STX12: variants seen among roughly 807,000 people sequenced by gnomAD.
The protein encoded by STX12 is syntaxin-12.
Under a neutral mutation model 42.2 loss-of-function variants are expected in STX12, and 17 were observed. That is an observed-to-expected ratio of 0.40 (90% CI 0.28 to 0.60). The LOEUF is 0.60. STX12 is among the 20% of genes least tolerant of loss of function. STX12 has a pLI of 0.39. For synonymous variants in STX12, 108 were observed against 116.7 expected (o/e 0.93, Z 0.48); for missense variants, 297 against 330.9 (o/e 0.90, Z 0.79).
intron 5 of STX12, among the ~76,000 whole-genome samples, chr1:27,811,001 A>G (rs1022210103): frequency 6.6e-6 from 1 of 152,030 alleles, no homozygotes; most frequent in Non-Finnish European, 1.5e-5. Context: ...ATAATAAGTA[A>G]TATGTTTTCC....
chr1:27,818,934 C>CT (rs139818363), intron 7 of STX12, among the ~76,000 whole-genome samples: 1 of 151,704 alleles, frequency 6.6e-6, no homozygotes, highest in East Asian at 1.9e-4. Context: ...GCCAGTAACT[C>CT]TTTTTTTTAA....
At position 27,792,320 on chromosome 1, in the gene STX12, A is replaced by G. The variant is rs187706549; in HGVS notation, c.189-1213A>G. Among the ~76,000 whole-genome samples, 113 of 120,398 alleles carry G rather than the reference A, an allele frequency of 9.4e-4. 16 individuals are homozygous for G. The highest frequency in any genetic ancestry group is 5.4e-3 in the African/African-American group (101 of 18,534). 79.0% of individuals were successfully genotyped at this position (120,398 alleles called of 152,430 possible). A position where few individuals can be genotyped will look rare whatever the true frequency, so the allele number is the denominator to read the frequency against. On this transcript the variant is annotated intron_variant, in intron 2 of 8. Coordinates refer to ENST00000373943, the MANE Select transcript of STX12 (RefSeq NM_177424.3). ...TATATGTATCTATATATATGTAGATACATATATATGTATCTATATATATGT... is the reference window on the plus strand; with the variant it reads ...TATATGTATCTATATATATGTAGATGCATATATATGTATCTATATATATGT...
At chr1:27,811,470 A>G (rs1317357765) in intron 5 of STX12, among the ~76,000 whole-genome samples, 1 of 152,036 alleles carries the variant, frequency 6.6e-6, no homozygotes, top group Non-Finnish European at 1.5e-5. Flanking sequence ...GTGTTATAAC[A>G]TTTCACTAGC....
At chr1:27,785,204 A>G (rs114666757) in intron 1 of STX12, among the ~76,000 whole-genome samples, 1,891 of 152,318 alleles carry the variant, frequency 0.012, 23 homozygotes, top group Middle Eastern at 0.027. Context: ...TGTCAGATCT[A>G]CGTTTACATG....
At chr1:27,796,022 A>G (rs2088783536) in intron 3 of STX12, among the ~76,000 whole-genome samples, 1 of 152,244 alleles carries the variant, frequency 6.6e-6, no homozygotes, top group South Asian at 2.1e-4. Context: ...AAATATAAAT[A>G]GAAAATCAAA....
At chr1:27,773,494 C>CCTGCGTCCCG in intron 1 of STX12, 69 bp downstream of exon 1, 3 of 1,448,202 alleles carry the variant, frequency 2.1e-6, no homozygotes, top group Non-Finnish European at 2.9e-6. Flanking sequence ...GCTGCCGGGA[C>CCTGCGTCCCG]GCAGGGCCCG....
intron 1 of STX12, among the ~76,000 whole-genome samples, chr1:27,785,124 A>G (rs1011147134): frequency 1.1e-4 from 17 of 152,234 alleles, no homozygotes; most frequent in African/African-American, 4.1e-4. Context: ...GCATACTTCT[A>G]AAGTTTCTAA....
At chr1:27,819,905 C>A in intron 8 of STX12, 173 bp downstream of exon 8, 2 of 540,188 alleles carry the variant, frequency 3.7e-6, no homozygotes, top group Non-Finnish European at 6.7e-6. Flanking sequence ...GATAGATCTA[C>A]AAAAAATAAT....
rs535078234 is a variant in STX12, at chr1:27,791,008, C to G, written c.188+1377C>G. Among the ~76,000 whole-genome samples, 138 of 152,108 alleles carry G rather than the reference C, an allele frequency of 9.1e-4. 1 individual carries two copies. Among genetic ancestry groups the G allele is most frequent in the Middle Eastern group, 6.8e-3 (2 of 292 alleles). Reference sequence around the variant, plus strand: ...GGGTGTGGTGGCTCACACCTGTAATCCCAGCGCTTTGGGAGGCTGAGGTGG... The same window carrying G: ...GGGTGTGGTGGCTCACACCTGTAATGCCAGCGCTTTGGGAGGCTGAGGTGG... On this transcript the variant is annotated intron_variant, in intron 2 of 8. Transcript: ENST00000373943.
chr1:27,777,402 G>C (rs2088634429), intron 1 of STX12, among the ~76,000 whole-genome samples: 1 of 152,158 alleles, frequency 6.6e-6, no homozygotes, highest in African/African-American at 2.4e-5. Flanking sequence ...GTTAGAAAAG[G>C]GAGGCAGAAT....
In STX12 at chr1:27,812,028, A is replaced by G. The variant is rs951876726; in HGVS notation, c.471-135A>G. 4 of 755,994 alleles carry G rather than the reference A, an allele frequency of 5.3e-6. No homozygotes were observed. The African/African-American group carries it at 6.9e-5, about 13-fold the overall frequency. 46.8% of individuals were successfully genotyped at this position (755,994 alleles called of 1,614,324 possible). ...TGGATATGAAGAATGTGGCCCTCCA[A>G]GACTTTATTGATAGCAGAGGACTGG... On this transcript the variant is annotated intron_variant, in intron 5 of 8. Coordinates refer to ENST00000373943, the MANE Select transcript of STX12 (RefSeq NM_177424.3).
chr1:27,779,281 G>A (rs1231147081), intron 1 of STX12, among the ~76,000 whole-genome samples: 1 of 151,694 alleles, frequency 6.6e-6, no homozygotes, highest in African/African-American at 2.4e-5. Flanking sequence ...TTCCTCAAGA[G>A]CCTAAAGTGG....
rs763865438 is a variant in STX12, at chr1:27,822,302, T to G, written c.804T>G (p.Ile268Met). The G allele has an allele frequency of 1.1e-5, 18 of 1,612,688 alleles. No homozygotes were observed. Among genetic ancestry groups the G allele is most frequent in the African/African-American group, 4.0e-5 (3 of 74,900 alleles). ...LSVIILILGL[I>M]IWLVYKTK ...TGATTATTCTAATCTTGGGACTTAT[T>G]ATCTGGCTAGTTTATAAAACGAAGT... The change falls in exon 9 of 9, where the codon ATT becomes ATG. Residue 268 changes from isoleucine (I) to methionine (M), a missense_variant. Transcript: ENST00000373943.
rs1262946207 is a variant in STX12 at position 27,824,358 on chromosome 1, C to T, written c.*2029C>T. 1 of 152,188 alleles carries T rather than the reference C, an allele frequency of 6.6e-6. No homozygotes were observed. The highest frequency in any genetic ancestry group is 1.5e-5 in the Non-Finnish European group (1 of 68,042). 9.4% of individuals were successfully genotyped at this position (152,188 alleles called of 1,614,324 possible). A position where few individuals can be genotyped will look rare whatever the true frequency, so the allele number is the denominator to read the frequency against. On this transcript the variant is annotated 3_prime_UTR_variant, in exon 9 of 9. Coordinates refer to ENST00000373943, the MANE Select transcript of STX12 (RefSeq NM_177424.3). ...GGTGATCATGGAGAGCAAATATGAACTTGGCCTGGATTTTAAATGGCCTAG... is the reference window on the plus strand; with the variant it reads ...GGTGATCATGGAGAGCAAATATGAATTTGGCCTGGATTTTAAATGGCCTAG...
chr1:27,792,144 CTA>C (rs1268532989), intron 2 of STX12, among the ~76,000 whole-genome samples: 5 of 91,304 alleles, frequency 5.5e-5, no homozygotes, highest in Non-Finnish European at 8.9e-5. Context: ...ATGTATATAT[CTA>C]TATATGTGTA....
intron 6 of STX12, among the ~76,000 whole-genome samples, 176 bp downstream of exon 6, chr1:27,812,444 T>G (rs1285145754): frequency 9.4e-6 from 1 of 106,556 alleles, no homozygotes; most frequent in Admixed American, 8.3e-5. Context: ...GTTTTTTTTG[T>G]TTTTTTTTTT....
intron 1 of STX12, among the ~76,000 whole-genome samples, chr1:27,784,136 C>T (rs1185314847): frequency 6.6e-6 from 1 of 151,914 alleles, no homozygotes; most frequent in African/African-American, 2.4e-5. Flanking sequence ...GCTGAGATCA[C>T]ACCATTGCAC....
At chr1:27,777,526 T>C (rs573237104) in intron 1 of STX12, among the ~76,000 whole-genome samples, 1 of 152,332 alleles carries the variant, frequency 6.6e-6, no homozygotes, top group Admixed American at 6.5e-5. Context: ...TTTGGAACTC[T>C]TCCTGCCTCT....
chr1:27,784,507 A>C (rs2088688049), intron 1 of STX12, among the ~76,000 whole-genome samples: 1 of 152,196 alleles, frequency 6.6e-6, no homozygotes, highest in Non-Finnish European at 1.5e-5. Context: ...GGTGTGAGCC[A>C]CTGTGCCTGG....
Sources: allele counts gnomAD v4.1 joint callset (sites outside exome capture counted in the v4.1 genomes callset), GRCh38; gene constraint gnomAD v4.1.1; transcripts MANE v1.5; gene names NCBI Gene and HGNC (gene_info 2026-07-23, HGNC 2026-07-21).